Variants in ERLIN1 observed in about 807,000 individuals in gnomAD.
ERLIN1 encodes the protein erlin-1.
Under a neutral mutation model 46.9 loss-of-function variants are expected in ERLIN1, and 24 were observed. The ratio of observed to expected loss-of-function variants is 0.51; its 90% CI spans 0.37 to 0.72. ERLIN1 has a LOEUF of 0.72. Ranked by LOEUF, ERLIN1 falls within the 30% of genes least tolerant of loss-of-function variation. The pLI is 0.00. For synonymous variants in ERLIN1, 158 were observed against 143.2 expected (o/e 1.10, Z -0.74); for missense variants, 293 against 417.9 (o/e 0.70, Z 2.61).
intron 4 of ERLIN1, 37 bp downstream of exon 4, chr10:100,178,096 T>C (rs191978109): frequency 2.2e-6 from 3 of 1,333,652 alleles, no homozygotes; most frequent in South Asian, 1.3e-5. Context: ...ATCCTCTGGC[T>C]ATAACTATAA....
chr10:100,175,365 G>A (rs916165225), intron 5 of ERLIN1, among the ~76,000 whole-genome samples: 2 of 152,164 alleles, frequency 1.3e-5, no homozygotes, highest in Admixed American at 1.3e-4. Flanking sequence ...TAGGCAGAGG[G>A]TGCCTACATA....
intron 2 of ERLIN1, among the ~76,000 whole-genome samples, 163 bp from the exon 3 acceptor site, chr10:100,179,410 G>GT (rs1383303747): frequency 1.3e-5 from 2 of 151,692 alleles, no homozygotes; most frequent in Admixed American, 1.3e-4. Context: ...ATTTCTTTTT[G>GT]TATTCTAGTA....
At chr10:100,153,389 C>G (rs139887603) in intron 10 of ERLIN1, among the ~76,000 whole-genome samples, 1 of 152,302 alleles carries the variant, frequency 6.6e-6, no homozygotes, top group Non-Finnish European at 1.5e-5. Context: ...ATGTATCTAA[C>G]CAGAATCTAT....
At chr10:100,172,972 C>T (rs574403025) in intron 6 of ERLIN1, among the ~76,000 whole-genome samples, 1 of 152,230 alleles carries the variant, frequency 6.6e-6, no homozygotes, top group Non-Finnish European at 1.5e-5. Context: ...CTACAACTGA[C>T]TTGAACAACT....
intron 8 of ERLIN1, among the ~76,000 whole-genome samples, chr10:100,160,776 G>A (rs1038342550): frequency 3.3e-5 from 5 of 152,074 alleles, no homozygotes; most frequent in Admixed American, 1.3e-4. Flanking sequence ...GTGAAACCCT[G>A]TCTCTACAGA....
At chr10:100,152,649 A>T (rs1457773621) in intron 10 of ERLIN1, among the ~76,000 whole-genome samples, 1 of 152,240 alleles carries the variant, frequency 6.6e-6, no homozygotes, top group African/African-American at 2.4e-5. Flanking sequence ...TAATATTTCT[A>T]AAGTGACTTT....
chr10:100,173,774 C>T (rs1407839065), intron 6 of ERLIN1, among the ~76,000 whole-genome samples: 1 of 152,202 alleles, frequency 6.6e-6, no homozygotes, highest in East Asian at 1.9e-4. Flanking sequence ...TTCCAATGTT[C>T]TCTTACTCTT....
intron 9 of ERLIN1, 27 bp downstream of exon 9, chr10:100,156,118 G>C: frequency 6.7e-7 from 1 of 1,490,520 alleles, no homozygotes; most frequent in Non-Finnish European, 9.3e-7. Context: ...GGGACAGGCA[G>C]AGCTTCATCC....
chr10:100,177,897 T>G (rs1168139543), intron 4 of ERLIN1, among the ~76,000 whole-genome samples: 1 of 152,222 alleles, frequency 6.6e-6, no homozygotes, highest in Non-Finnish European at 1.5e-5. Flanking sequence ...AAATAACCAA[T>G]GACCATTTTG....
chr10:100,159,596 A>G (rs1472922139), intron 8 of ERLIN1, among the ~76,000 whole-genome samples: 1 of 151,244 alleles, frequency 6.6e-6, no homozygotes, highest in Non-Finnish European at 1.5e-5. Flanking sequence ...ATGTAGTAAC[A>G]CTGGAAATCA....
chr10:100,185,805 C>A lies in ERLIN1; in HGVS notation c.-179G>T, dbSNP rs1844939363. On this transcript the variant is annotated 5_prime_UTR_variant, in exon 1 of 11. Transcript: ENST00000421367. ...TCTGGCTGAGCCCGCTGACCCCTTG[C>A]CAACTCCTCCGCCCCCGGAGGCCAG... The A allele has an allele frequency of 3.3e-6, 2 of 597,028 alleles. No homozygotes were observed. Among genetic ancestry groups the A allele is most frequent in the Non-Finnish European group, 6.0e-6 (2 of 334,248 alleles). The allele number at this position is 597,028 out of a possible 1,614,324, so 37.0% of individuals were successfully genotyped here. A position where few individuals can be genotyped will look rare whatever the true frequency, so the allele number is the denominator to read the frequency against.
intron 4 of ERLIN1, 71 bp downstream of exon 4, chr10:100,178,062 C>T: frequency 1.0e-6 from 1 of 976,464 alleles, no homozygotes; most frequent in Non-Finnish European, 1.6e-6. Flanking sequence ...CCCTTCTATT[C>T]CTCAAAGAAT....
intron 2 of ERLIN1, among the ~76,000 whole-genome samples, chr10:100,180,376 C>T (rs886694142): frequency 1.3e-5 from 2 of 152,150 alleles, no homozygotes; most frequent in South Asian, 2.1e-4. Context: ...ATCAATCCAT[C>T]AACAGGTACA....
Position 100,183,854 on chromosome 10 carries a change from C to T in ERLIN1, c.114-17G>A, listed in dbSNP as rs201392792. 142 of 1,577,620 alleles carry T rather than the reference C, an allele frequency of 9.0e-5. No homozygotes were observed. In the African/African-American group the frequency reaches 1.6e-3, roughly 18 times the overall value. ...GCTCCTCCCCTGCAAAAAGATGTTT[C>T]AATTTGACAAAATTATAAAAAGAAA... On this transcript the variant is annotated splice_polypyrimidine_tract_variant and intron_variant, in intron 1 of 10. Transcript: ENST00000421367.
intron 8 of ERLIN1, among the ~76,000 whole-genome samples, chr10:100,160,172 C>T (rs936141417): frequency 6.6e-6 from 1 of 151,790 alleles, no homozygotes; most frequent in African/African-American, 2.4e-5. Context: ...AATATAATTA[C>T]CAAAACTGGC....
In ERLIN1 at chr10:100,167,355, C is replaced by A. The variant is rs1472955266; in HGVS notation, c.556G>T (p.Glu186Ter). The change falls in exon 7 of 11, where the codon GAG becomes TAG. Residue 186 changes from glutamate (E) to a stop codon, truncating the protein, a stop_gained. Transcript: ENST00000421367. LOFTEE classifies it high-confidence loss of function. ...CCCATGCATATTACTCACATTAACTCAAAATTTCTTCTTATGGCTTCTGGG... is the reference window on the plus strand; with the variant it reads ...CCCATGCATATTACTCACATTAACTAAAAATTTCTTCTTATGGCTTCTGGG... ...KIPEAIRRNF[E>*]LMEAEKTKLL... 7 of 1,612,938 alleles carry A rather than the reference C, an allele frequency of 4.3e-6. No homozygotes were observed. The highest frequency in any genetic ancestry group is 5.9e-6 in the Non-Finnish European group (7 of 1,179,120).
chr10:100,170,069 T>C (rs111563240), intron 6 of ERLIN1, among the ~76,000 whole-genome samples: 2,042 of 152,266 alleles, frequency 0.013, 49 homozygotes, highest in African/African-American at 0.047. Context: ...GTGCCTGATA[T>C]AGCTTGAAAA....
chr10:100,184,527 G>C (rs901225370), intron 1 of ERLIN1, among the ~76,000 whole-genome samples: 2 of 152,206 alleles, frequency 1.3e-5, no homozygotes, highest in Admixed American at 1.3e-4. Context: ...TAAATTCATA[G>C]AACTTAGCTA....
At chr10:100,170,578 C>T (rs1046326869) in intron 6 of ERLIN1, among the ~76,000 whole-genome samples, 4 of 152,184 alleles carry the variant, frequency 2.6e-5, no homozygotes, top group African/African-American at 9.7e-5. Flanking sequence ...TGCTACTGCA[C>T]ATGTCAAGGT....
Sources: gnomAD v4.1 joint callset for allele counts (sites outside exome capture counted in the v4.1 genomes callset) on GRCh38, gnomAD v4.1.1 for gene constraint, MANE v1.5 for transcripts, NCBI Gene and HGNC (gene_info 2026-07-23, HGNC 2026-07-21) for gene names.